TENM3: variants seen among roughly 807,000 people sequenced by gnomAD.
TENM3 encodes teneurin transmembrane protein 3.
In TENM3, 63 loss-of-function variants were observed where a neutral mutation model predicts 255.1. The ratio of observed to expected loss-of-function variants is 0.25; its 90% CI spans 0.20 to 0.30. The LOEUF (loss-of-function observed/expected upper bound fraction) is 0.30, where lower values mean the gene tolerates loss of function less well. Among genes scored for constraint, TENM3 ranks in the 10% least tolerant of loss-of-function variants. The pLI, the probability that TENM3 is intolerant of heterozygous loss-of-function variation, is 1.00. For missense variants in TENM3, 2,929 were observed against 3,461.1 expected (o/e 0.85, Z 3.86); for synonymous variants, 1,306 against 1,322.3 (o/e 0.99, Z 0.27).
the TENM3 span, among the ~76,000 whole-genome samples, chr4:181,516,698 C>T: frequency 5.3e-5 from 8 of 151,894 alleles, no homozygotes; most frequent in Non-Finnish European, 2.9e-5. Context: ...ATCGCTGGAA[C>T]TCGGGAGGGG....
At chr4:181,911,498 A>C in the TENM3 span, among the ~76,000 whole-genome samples, 1 of 152,210 alleles carries the variant, frequency 6.6e-6, no homozygotes, top group African/African-American at 2.4e-5. Context: ...ATGACAGATA[A>C]AATGTGTTTG....
intron 1 of TENM3, among the ~76,000 whole-genome samples, chr4:182,225,324 T>C (rs184366764): frequency 1.1e-4 from 17 of 152,172 alleles, no homozygotes; most frequent in African/African-American, 4.1e-4. Context: ...ACATGGAAAA[T>C]ATCAGTGACC....
the TENM3 span, among the ~76,000 whole-genome samples, chr4:182,092,940 C>T: frequency 6.6e-6 from 1 of 152,184 alleles, no homozygotes. Flanking sequence ...CCATGCCTAT[C>T]TAAGAATCCC....
At chr4:182,732,776 A>G (rs2871330) in intron 16 of TENM3, among the ~76,000 whole-genome samples, 8,205 of 152,264 alleles carry the variant, frequency 0.054, 321 homozygotes, top group African/African-American at 0.12. Flanking sequence ...TGCATGAGCC[A>G]TGAGTGCCAC....
chr4:182,461,088 G>A (rs1774288126), intron 3 of TENM3, among the ~76,000 whole-genome samples: 1 of 152,146 alleles, frequency 6.6e-6, no homozygotes, highest in Admixed American at 6.5e-5. Flanking sequence ...CTAAAAACCA[G>A]ATTTTTTGGA....
At chr4:182,524,109 C>G (rs1278436851) in intron 3 of TENM3, among the ~76,000 whole-genome samples, 1 of 152,138 alleles carries the variant, frequency 6.6e-6, no homozygotes, top group Non-Finnish European at 1.5e-5. Context: ...CAGTCATCCT[C>G]TTTTTACGTT....
At chr4:182,371,668 T>A (rs1181497180) in intron 3 of TENM3, among the ~76,000 whole-genome samples, 1 of 152,224 alleles carries the variant, frequency 6.6e-6, no homozygotes, top group Non-Finnish European at 1.5e-5. Context: ...CCTCTAGTCT[T>A]ACCAATCGAA....
At chr4:182,346,549 G>T (rs974154832) in intron 2 of TENM3, 102 bp from the exon 3 acceptor site, 1 of 1,062,454 alleles carries the variant, frequency 9.4e-7, no homozygotes, top group Admixed American at 2.9e-5. Flanking sequence ...CTAAATGTTT[G>T]AGTGTTTATT....
chr4:182,608,715 T>C (rs1266794067), intron 4 of TENM3, among the ~76,000 whole-genome samples: 1 of 152,156 alleles, frequency 6.6e-6, no homozygotes, highest in African/African-American at 2.4e-5. Flanking sequence ...AGGTCAGGGC[T>C]AGGACCCAGC....
At chr4:182,198,120 A>T (rs1017520034) in intron 1 of TENM3, among the ~76,000 whole-genome samples, 5 of 152,096 alleles carry the variant, frequency 3.3e-5, no homozygotes, top group East Asian at 1.9e-4. Flanking sequence ...AAATAAATAA[A>T]AAATAAATAA....
At chr4:182,111,456 T>C in the TENM3 span, among the ~76,000 whole-genome samples, 2 of 152,126 alleles carry the variant, frequency 1.3e-5, no homozygotes, top group Admixed American at 1.3e-4. Context: ...GAAAGCCAAA[T>C]ACAGAACACC....
intron 3 of TENM3, among the ~76,000 whole-genome samples, chr4:182,468,230 T>A (rs1319203919): frequency 6.6e-6 from 1 of 152,082 alleles, no homozygotes; most frequent in Non-Finnish European, 1.5e-5. Flanking sequence ...TACAAAAAAA[T>A]GCAAACTATT....
chr4:181,695,009 A>G, the TENM3 span, among the ~76,000 whole-genome samples: 1 of 151,138 alleles, frequency 6.6e-6, no homozygotes, highest in Non-Finnish European at 1.5e-5. Flanking sequence ...GATTAATTTC[A>G]TTTTGATTCT....
At chr4:182,329,027 T>C (rs1428706532) in intron 2 of TENM3, among the ~76,000 whole-genome samples, 1 of 151,990 alleles carries the variant, frequency 6.6e-6, no homozygotes, top group Non-Finnish European at 1.5e-5. Context: ...CAAAAGGACA[T>C]TAGAGGAGTA....
intron 3 of TENM3, among the ~76,000 whole-genome samples, chr4:182,526,140 C>T (rs1044471647): frequency 2.0e-5 from 3 of 152,098 alleles, no homozygotes; most frequent in East Asian, 1.9e-4. Flanking sequence ...CCACCACGCC[C>T]GGCTGATTTT....
chr4:182,583,333 CTG>C (rs3073440), intron 3 of TENM3, among the ~76,000 whole-genome samples: 23,149 of 143,202 alleles, frequency 0.16, 1,796 homozygotes, highest in Admixed American at 0.25. Flanking sequence ...GCTTAAACCT[CTG>C]TGTGTGTGTG....
intron 3 of TENM3, among the ~76,000 whole-genome samples, chr4:182,535,212 C>G (rs1487052587): frequency 1.3e-5 from 2 of 152,180 alleles, no homozygotes; most frequent in Non-Finnish European, 2.9e-5. Context: ...ATGTGTTCAT[C>G]TTTCCTATGG....
the TENM3 span, among the ~76,000 whole-genome samples, chr4:181,543,933 C>T: frequency 1.3e-5 from 2 of 152,212 alleles, no homozygotes; most frequent in East Asian, 3.9e-4. Context: ...ATTTTCTCTT[C>T]CTGAAATTCA....
At chr4:181,970,530 G>C in the TENM3 span, among the ~76,000 whole-genome samples, 1 of 152,204 alleles carries the variant, frequency 6.6e-6, no homozygotes, top group Non-Finnish European at 1.5e-5. Context: ...ACATCAAGCA[G>C]TTTTTAGAAC....
Sources: allele counts gnomAD v4.1 joint callset (sites outside exome capture counted in the v4.1 genomes callset), GRCh38; gene constraint gnomAD v4.1.1; transcripts MANE v1.5; gene names NCBI Gene and HGNC (gene_info 2026-07-23, HGNC 2026-07-21).